RFX3: variants seen among roughly 807,000 people sequenced by gnomAD.
RFX3 encodes regulatory factor X3.
Under a neutral mutation model 98.6 loss-of-function variants are expected in RFX3, and 14 were observed. That is an observed-to-expected ratio of 0.14 (90% CI 0.09 to 0.22). RFX3 has a LOEUF of 0.22. RFX3 is among the 10% of genes least tolerant of loss of function. RFX3 has a pLI of 1.00. For missense variants in RFX3, 639 were observed against 926.9 expected, an observed-to-expected ratio of 0.69 and a Z score of 4.03; for synonymous variants, 383 against 328.4, an observed-to-expected ratio of 1.17 and a Z score of -1.80.
At chr9:3,265,450 C>G (rs565938398) in intron 12 of RFX3, among the ~76,000 whole-genome samples, 1 of 152,108 alleles carries the variant, frequency 6.6e-6, no homozygotes, top group East Asian at 1.9e-4. Flanking sequence ...AACTCTGCCC[C>G]CCGATTCAAA....
intron 2 of RFX3, among the ~76,000 whole-genome samples, chr9:3,372,247 C>T (rs1277706730): frequency 6.6e-6 from 1 of 152,230 alleles, no homozygotes; most frequent in African/African-American, 2.4e-5. Context: ...ACACCAGAGG[C>T]TTCCTCATCC....
chr9:3,257,265 C>A, intron 13 of RFX3, 66 bp from the exon 14 acceptor site: 1 of 1,328,514 alleles, frequency 7.5e-7, no homozygotes, highest in South Asian at 1.2e-5. Flanking sequence ...AATGCCAGCA[C>A]ACACACTAGA....
At chr9:3,477,707 T>C (rs1849393415) in intron 1 of RFX3, among the ~76,000 whole-genome samples, 1 of 152,174 alleles carries the variant, frequency 6.6e-6, no homozygotes, top group Non-Finnish European at 1.5e-5. Context: ...TTCAGCAAGT[T>C]TGGAAAGTTT....
At chr9:3,427,346 C>A (rs1844169651) in intron 1 of RFX3, among the ~76,000 whole-genome samples, 1 of 135,534 alleles carries the variant, frequency 7.4e-6, no homozygotes, top group Non-Finnish European at 1.6e-5. Flanking sequence ...TATTGTATTA[C>A]ATAATACTAT....
chr9:3,488,925 A>G, intron 1 of RFX3: 1 of 982,308 alleles, frequency 1.0e-6, no homozygotes, highest in East Asian at 1.1e-4. Context: ...TCAAATTGAA[A>G]TAAGGAGTAC....
chr9:3,413,175 T>A (rs1842603491), intron 1 of RFX3, among the ~76,000 whole-genome samples: 1 of 151,984 alleles, frequency 6.6e-6, no homozygotes, highest in Non-Finnish European at 1.5e-5. Flanking sequence ...TAGTCCCAGC[T>A]TTTAATCCAA....
chr9:3,500,557 C>T (rs958017712), intron 1 of RFX3, among the ~76,000 whole-genome samples: 1 of 152,144 alleles, frequency 6.6e-6, no homozygotes. Flanking sequence ...AACTTAAAGG[C>T]TCCACTTAAT....
rs151094954 is a variant in RFX3, at chr9:3,421,914, G to A, written c.-8-26318C>T. Among the ~76,000 whole-genome samples, 88 of 151,970 alleles carry A rather than the reference G, an allele frequency of 5.8e-4. 1 individual carries two copies. The East Asian group carries it at 7.4e-3, about 13-fold the overall frequency. On this transcript the variant is annotated intron_variant, in intron 1 of 16. Transcript: ENST00000617270. The stretch of plus-strand genomic sequence containing the variant: ...CAACAACAGGATATACAGTTCTGCT[G>A]ACAGGAATTGATAGGAACTCTGAAG...
chr9:3,385,359 A>G (rs914280786), intron 2 of RFX3, among the ~76,000 whole-genome samples: 12 of 152,174 alleles, frequency 7.9e-5, no homozygotes, highest in African/African-American at 2.9e-4. Context: ...GAACAAAACT[A>G]TGGAATCAAC....
At chr9:3,284,747 A>C (rs909283183) in intron 7 of RFX3, among the ~76,000 whole-genome samples, 1 of 151,776 alleles carries the variant, frequency 6.6e-6, no homozygotes, top group Non-Finnish European at 1.5e-5. Context: ...ATAGTTCATG[A>C]CTGCCTGTGA....
chr9:3,396,611 G>C (rs1475365396), intron 1 of RFX3, among the ~76,000 whole-genome samples: 1 of 149,540 alleles, frequency 6.7e-6, no homozygotes, highest in African/African-American at 2.5e-5. Flanking sequence ...CTGAGGAATC[G>C]CCACACTGAC....
chr9:3,499,318 G>C (rs1466911561), intron 1 of RFX3, among the ~76,000 whole-genome samples: 1 of 151,912 alleles, frequency 6.6e-6, no homozygotes, highest in Non-Finnish European at 1.5e-5. Flanking sequence ...AAATCATGAA[G>C]TTGGTAAAAA....
chr9:3,327,596 A>T (rs945785986), intron 4 of RFX3, among the ~76,000 whole-genome samples: 3 of 151,924 alleles, frequency 2.0e-5, no homozygotes, highest in African/African-American at 7.2e-5. Flanking sequence ...AAAAAGGAAA[A>T]TTTTCTTATT....
chr9:3,373,932 G>A (rs1265894526), intron 2 of RFX3, among the ~76,000 whole-genome samples: 1 of 152,020 alleles, frequency 6.6e-6, no homozygotes, highest in Non-Finnish European at 1.5e-5. Context: ...CAAAAACTTA[G>A]CCAGGAGTGG....
intron 2 of RFX3, among the ~76,000 whole-genome samples, chr9:3,386,657 A>G (rs1030944775): frequency 2.0e-5 from 3 of 152,320 alleles, no homozygotes; most frequent in Non-Finnish European, 1.5e-5. Context: ...ATAATAGTCA[A>G]TAGTATCAAG....
intron 2 of RFX3, among the ~76,000 whole-genome samples, chr9:3,351,832 T>C (rs1835171447): frequency 2.6e-5 from 4 of 151,980 alleles, no homozygotes. Context: ...AAAACGAGCA[T>C]GCTTACATAT....
chr9:3,319,214 G>C (rs1182383743), intron 4 of RFX3, among the ~76,000 whole-genome samples: 1 of 152,146 alleles, frequency 6.6e-6, no homozygotes, highest in East Asian at 1.9e-4. Context: ...AGTATCCCCT[G>C]GGCACTTGTT....
intron 1 of RFX3, among the ~76,000 whole-genome samples, chr9:3,516,130 G>C (rs1405874805): frequency 6.6e-6 from 1 of 151,950 alleles, no homozygotes; most frequent in African/African-American, 2.4e-5. Context: ...CTCACTGCAA[G>C]CTCCACCTCC....
At chr9:3,230,183 AC>A (rs1196202806) in intron 15 of RFX3, among the ~76,000 whole-genome samples, 2 of 152,146 alleles carry the variant, frequency 1.3e-5, no homozygotes, top group Non-Finnish European at 2.9e-5. Flanking sequence ...ATGTCATTTC[AC>A]CTTTATTTCT....
Sources: gnomAD v4.1 joint callset for allele counts (sites outside exome capture counted in the v4.1 genomes callset) on GRCh38, gnomAD v4.1.1 for gene constraint, MANE v1.5 for transcripts, NCBI Gene and HGNC (gene_info 2026-07-23, HGNC 2026-07-21) for gene names.